CACNA1S: variants seen among roughly 807,000 people sequenced by gnomAD.
The protein encoded by CACNA1S is calcium voltage-gated channel subunit alpha1 S.
CACNA1S carries 126 observed loss-of-function variants against 207.4 expected under a neutral mutation model. That is an observed-to-expected ratio of 0.61 (90% CI 0.53 to 0.70). The LOEUF is 0.70. Ranked by LOEUF, CACNA1S falls within the 30% of genes least tolerant of loss-of-function variation. CACNA1S has a pLI of 0.00. For missense variants in CACNA1S, 2,349 were observed against 2,422.8 expected, an observed-to-expected ratio of 0.97 and a Z score of 0.64; for synonymous variants, 960 against 932.7, an observed-to-expected ratio of 1.03 and a Z score of -0.53.
intron 12 of CACNA1S, among the ~76,000 whole-genome samples, chr1:201,076,135 T>C (rs769215788): frequency 6.6e-6 from 1 of 152,162 alleles, no homozygotes; most frequent in Non-Finnish European, 1.5e-5. Flanking sequence ...GGACAAGAAA[T>C]TGGACTGTGG....
At chr1:201,057,957 A>C (rs1028729163) in intron 28 of CACNA1S, among the ~76,000 whole-genome samples, 2 of 152,058 alleles carry the variant, frequency 1.3e-5, no homozygotes, top group East Asian at 3.8e-4. Context: ...TCTTCTCTGC[A>C]TGTTCTTATG....
Position 201,052,592 on chromosome 1 carries a change from G to A in CACNA1S, c.3918C>T (p.Phe1306=). Residue 1306 remains phenylalanine (F), a synonymous_variant, in exon 32 of 44, where the codon TTC becomes TTT. Coordinates refer to ENST00000362061, the MANE Select transcript of CACNA1S (RefSeq NM_000069.3). ...GTAGCACAGCTTGTGGGAAGGTCTG[G>A]AAGTTGTTGTTCCGGTTTATTTGGG... ...DGTQINRNNN[F]QTFPQAVLLL... is the part of the protein sequence containing the mutation. The A allele has an allele frequency of 2.5e-6, 4 of 1,614,034 alleles. No individual in the cohort carries two copies. In the South Asian group the frequency reaches 4.4e-5, roughly 18 times the overall value.
At chr1:201,055,561 G>C (rs1024021276) in intron 28 of CACNA1S, among the ~76,000 whole-genome samples, 11 of 152,200 alleles carry the variant, frequency 7.2e-5, no homozygotes, top group African/African-American at 2.7e-4. Flanking sequence ...GAATTACAAT[G>C]AAAATTGAAT....
At position 201,068,071 on chromosome 1, in the gene CACNA1S, C is replaced by T. The variant is rs116226707; in HGVS notation, c.2550+1066G>A. Among the ~76,000 whole-genome samples, 1,436 of 152,030 alleles carry T rather than the reference C, an allele frequency of 9.4e-3. 27 individuals carry two copies. The highest frequency in any genetic ancestry group is 0.033 in the African/African-American group (1,365 of 41,424). On this transcript the variant is annotated intron_variant, in intron 19 of 43. Coordinates refer to ENST00000362061, the MANE Select transcript of CACNA1S (RefSeq NM_000069.3). ...TTGGGAATGGGTGAGCAGTGACGTGCTGTGGATAAGGTGTGGAAAAGGCGT... is the reference window on the plus strand; with the variant it reads ...TTGGGAATGGGTGAGCAGTGACGTGTTGTGGATAAGGTGTGGAAAAGGCGT...
Position 201,075,721 on chromosome 1 carries a change from A to C in CACNA1S, c.1828-106T>G, listed in dbSNP as rs1274808946. 19 of 1,273,698 alleles carry C rather than the reference A, an allele frequency of 1.5e-5. No homozygotes were observed. In the South Asian group the frequency reaches 2.5e-4, roughly 17 times the overall value. 78.9% of individuals were successfully genotyped at this position (1,273,698 alleles called of 1,614,324 possible). On this transcript the variant is annotated intron_variant, in intron 12 of 43. Coordinates refer to ENST00000362061, the MANE Select transcript of CACNA1S (RefSeq NM_000069.3). ...TCCTCCAACTCTGTGGTTCTCTCAG[A>C]CCTTCCCTCTTTTCATTCCACAGTC...
At chr1:201,092,243 G>A (rs1020867362) in intron 3 of CACNA1S, 129 bp from the exon 4 acceptor site, 4 of 890,028 alleles carry the variant, frequency 4.5e-6, no homozygotes, top group Admixed American at 2.2e-5. Flanking sequence ...CGGCAAATAC[G>A]GGTGCATCAA....
intron 26 of CACNA1S, 66 bp downstream of exon 26, chr1:201,060,578 TATCCTGCCCTACTC>T: frequency 7.0e-7 from 1 of 1,436,766 alleles, no homozygotes; most frequent in Non-Finnish European, 9.6e-7. Flanking sequence ...GAATCCTGGC[TATCCTGCCCTACTC>T]ATCCTGCCCT....
Position 201,061,327 on chromosome 1 carries a change from A to C in CACNA1S, c.3195T>G (p.Ile1065Met), listed in dbSNP as rs767698922. The change falls in exon 25 of 44, where the codon ATT (isoleucine) becomes ATG (methionine). Residue 1065 changes from isoleucine to methionine, a missense_variant. Transcript: ENST00000362061. ...TCTCTCCCTGCTCCTGGAAGGTGAC[A>C]ATGACGAAGCCCACAAAGATGTTCA... The part of the protein sequence containing the change: ...FMMNIFVGFV[I>M]VTFQEQGETE... 6.2e-7 allele frequency: 1 copy of C among 1,614,242 alleles called. No individual in the cohort carries two copies. The highest frequency in any genetic ancestry group is 2.2e-5 in the East Asian group (1 of 44,888).
At position 201,089,285 on chromosome 1, in the gene CACNA1S, C is replaced by T; in HGVS notation, c.873G>A (p.Met291Ile). 6.2e-7 allele frequency: 1 copy of T among 1,614,274 alleles called. No homozygotes were observed. Among genetic ancestry groups the T allele is most frequent in the Non-Finnish European group, 8.5e-7 (1 of 1,180,048 alleles). Residue 291 changes from methionine to isoleucine, a missense_variant, in exon 6 of 44, where the codon ATG becomes ATA. Met to Ile is a conservative substitution (Grantham distance 10). Coordinates refer to ENST00000362061, the MANE Select transcript of CACNA1S (RefSeq NM_000069.3). ...SMLTVYQCIT[M>I]EGWTDVLYWV... ...AGTAAAGGACGTCAGTCCATCCCTC[C>T]ATGGTAATGCACTGGTACACGGTGA...
chr1:201,067,693 T>C (rs1456355605), intron 19 of CACNA1S, among the ~76,000 whole-genome samples: 1 of 152,194 alleles, frequency 6.6e-6, no homozygotes, highest in South Asian at 2.1e-4. Context: ...GATCTCCTTA[T>C]AATGCACTTG....
Position 201,070,257 on chromosome 1 carries a change from C to G in CACNA1S, c.2360+15G>C. 6.2e-7 allele frequency: 1 copy of G among 1,613,858 alleles called. No individual in the cohort carries two copies. The highest frequency in any genetic ancestry group is 8.5e-7 in the Non-Finnish European group (1 of 1,180,026). Reference sequence around the variant, plus strand: ...GCCGCATCAATCACCCCCACAGCAGCCAAGGGGCACCCACTTATTGGTGGG... The same window carrying G: ...GCCGCATCAATCACCCCCACAGCAGGCAAGGGGCACCCACTTATTGGTGGG... On this transcript the variant is annotated intron_variant, in intron 17 of 43. Coordinates refer to ENST00000362061, the MANE Select transcript of CACNA1S (RefSeq NM_000069.3).
chr1:201,111,792 A>T (rs907584773), intron 1 of CACNA1S, among the ~76,000 whole-genome samples: 1 of 152,170 alleles, frequency 6.6e-6, no homozygotes, highest in South Asian at 2.1e-4. Context: ...TTGGGCACAC[A>T]TGGGAACAGT....
chr1:201,044,548 T>C, intron 38 of CACNA1S, 92 bp from the exon 39 acceptor site: 1 of 1,487,410 alleles, frequency 6.7e-7, no homozygotes, highest in Non-Finnish European at 9.2e-7. Context: ...TCTCACTCTG[T>C]TGCCCAGGCT....
intron 1 of CACNA1S, among the ~76,000 whole-genome samples, chr1:201,110,542 C>T (rs1663059952): frequency 6.6e-6 from 1 of 152,202 alleles, no homozygotes. Flanking sequence ...TGGCTGAGGG[C>T]TCCTCAGCTT....
chr1:201,087,691 C>A, intron 7 of CACNA1S, 135 bp downstream of exon 7: 3 of 686,654 alleles, frequency 4.4e-6, no homozygotes, highest in Non-Finnish European at 7.8e-6. Context: ...CCTTCCTCCT[C>A]CTCCCTTCTC....
chr1:201,070,425 A>G, intron 16 of CACNA1S, 21 bp from the exon 17 acceptor site: 1 of 1,613,274 alleles, frequency 6.2e-7, no homozygotes, highest in South Asian at 1.1e-5. Flanking sequence ...AGAGAGAGGA[A>G]TTAGGGGTGT....
intron 22 of CACNA1S, among the ~76,000 whole-genome samples, chr1:201,064,784 G>C (rs748064517): frequency 1.3e-5 from 2 of 152,246 alleles, no homozygotes; most frequent in Non-Finnish European, 1.5e-5. Context: ...AATTCCTAGA[G>C]AGGAACTGAA....
At position 201,066,214 on chromosome 1, in the gene CACNA1S, C is replaced by A. The variant is rs374289893; in HGVS notation, c.2745+15G>T. 1 of 1,611,518 alleles carries A rather than the reference C, an allele frequency of 6.2e-7. No individual in the cohort carries two copies. Among genetic ancestry groups the A allele is most frequent in the Non-Finnish European group, 8.5e-7 (1 of 1,177,924 alleles). On this transcript the variant is annotated intron_variant, in intron 21 of 43. Transcript: ENST00000362061. The surrounding 1 kb of genome is among the most constrained non-coding windows in gnomAD (Gnocchi z 4.3). Reference sequence around the variant, plus strand: ...CCCATTCCTCTCTGGGGCTCCTGCCCGGGCCCTCTCTCACCTTCAACCCCT... The same window carrying A: ...CCCATTCCTCTCTGGGGCTCCTGCCAGGGCCCTCTCTCACCTTCAACCCCT...
intron 2 of CACNA1S, among the ~76,000 whole-genome samples, chr1:201,100,376 A>T (rs1572069468): frequency 6.6e-6 from 1 of 152,212 alleles, no homozygotes; most frequent in South Asian, 2.1e-4. Context: ...GCCACGCCGC[A>T]CACTGGGTGT....
Sources: allele counts gnomAD v4.1 joint callset (sites outside exome capture counted in the v4.1 genomes callset), GRCh38; gene constraint gnomAD v4.1.1; non-coding constraint Gnocchi (gnomAD v3.1); transcripts MANE v1.5; gene names NCBI Gene and HGNC (gene_info 2026-07-23, HGNC 2026-07-21).